Variants in COQ7 observed in about 807,000 individuals in gnomAD.
COQ7 encodes coenzyme Q7, hydroxylase.
COQ7 carries 21 observed loss-of-function variants against 25.0 expected under a neutral mutation model. That is an observed-to-expected ratio of 0.84 (90% CI 0.60 to 1.21). The LOEUF is 1.21. Ranked by LOEUF, COQ7 falls within the 50% of genes most tolerant of loss-of-function variation. The pLI, the probability that COQ7 is intolerant of heterozygous loss-of-function variation, is 0.00. For missense variants in COQ7, 311 were observed against 296.2 expected (o/e 1.05, Z -0.37); for synonymous variants, 125 against 112.4 (o/e 1.11, Z -0.71).
At position 19,079,753 on chromosome 16, in the gene COQ7, G is replaced by A. The variant is rs1217475649; in HGVS notation, c.*1595G>A. On this transcript the variant is annotated 3_prime_UTR_variant, in exon 6 of 6. Transcript: ENST00000321998. ...GCCCTGCATTTAATCAGCACCTGAT[G>A]ACTTGGCAGGACTTGCCCCACCAGG... is the stretch of plus-strand genomic sequence containing the variant. 1 of 152,222 alleles carries A rather than the reference G, an allele frequency of 6.6e-6. No individual in the cohort carries two copies. Among genetic ancestry groups the A allele is most frequent in the Non-Finnish European group, 1.5e-5 (1 of 68,050 alleles). The allele number at this position is 152,222 out of a possible 1,614,324, so 9.4% of individuals were successfully genotyped here. A position where few individuals can be genotyped will look rare whatever the true frequency, so the allele number is the denominator to read the frequency against.
intron 3 of COQ7, among the ~76,000 whole-genome samples, chr16:19,075,309 T>A (rs1245213766): frequency 6.6e-6 from 1 of 151,888 alleles, no homozygotes; most frequent in Non-Finnish European, 1.5e-5. Flanking sequence ...TTCAAGCGAT[T>A]TTCCTGCCTC....
At chr16:19,069,671 A>G (rs867700310) in intron 1 of COQ7, among the ~76,000 whole-genome samples, 6 of 152,120 alleles carry the variant, frequency 3.9e-5, no homozygotes, top group Non-Finnish European at 7.4e-5. Context: ...TTGGCTTCCC[A>G]AAGTGCTGGG....
chr16:19,073,316 C>CAAAAAAAAAACA (rs60264999), intron 2 of COQ7, among the ~76,000 whole-genome samples: 9 of 146,914 alleles, frequency 6.1e-5, no homozygotes, highest in African/African-American at 2.0e-4. Context: ...CTCAAAAAAA[C>CAAAAAAAAAACA]AAAAAAAACC....
chr16:19,077,293 T>G lies in COQ7; in HGVS notation c.508-13T>G. ...GAAGGCTAACTTGCTTTGGTGTCTTTTTATTTAACCAGCTGATAAAGAAAT... is the reference window on the plus strand; with the variant it reads ...GAAGGCTAACTTGCTTTGGTGTCTTGTTATTTAACCAGCTGATAAAGAAAT... On this transcript the variant is annotated splice_polypyrimidine_tract_variant and intron_variant, in intron 4 of 5. Coordinates refer to ENST00000321998, the MANE Select transcript of COQ7 (RefSeq NM_016138.5). 6.2e-7 allele frequency: 1 copy of G among 1,613,706 alleles called. No individual in the cohort carries two copies. Among genetic ancestry groups the G allele is most frequent in the Non-Finnish European group, 8.5e-7 (1 of 1,179,616 alleles).
rs555555412 is a variant in COQ7 at position 19,072,368 on chromosome 16, T to C, written c.252+262T>C. On this transcript the variant is annotated intron_variant, in intron 2 of 5. Coordinates refer to ENST00000321998, the MANE Select transcript of COQ7 (RefSeq NM_016138.5). ...ACTCCATGGCGGGGGCAGGCAGTAATGAAAAAAGGTTAAGAATCGCTCAGC... is the reference window on the plus strand; with the variant it reads ...ACTCCATGGCGGGGGCAGGCAGTAACGAAAAAAGGTTAAGAATCGCTCAGC... 6.3e-6 allele frequency: 3 copies of C among 473,622 alleles called. No individual in the cohort carries two copies. The East Asian group carries it at 1.1e-4, about 17-fold the overall frequency. 29.3% of individuals were successfully genotyped at this position (473,622 alleles called of 1,614,324 possible). A position where few individuals can be genotyped will look rare whatever the true frequency, so the allele number is the denominator to read the frequency against.
chr16:19,082,366 C>T (rs1432599870), downstream of COQ7, among the ~76,000 whole-genome samples: 1 of 152,116 alleles, frequency 6.6e-6, no homozygotes, highest in African/African-American at 2.4e-5. Context: ...CACAGTGGCT[C>T]ATGCCTGTCA....
intron 3 of COQ7, among the ~76,000 whole-genome samples, chr16:19,074,509 A>T (rs1962731647): frequency 6.6e-6 from 1 of 151,982 alleles, no homozygotes; most frequent in Admixed American, 6.6e-5. Flanking sequence ...TGGGTGACAG[A>T]GCGACACTCT....
At chr16:19,068,505 T>G in intron 1 of COQ7, 1 of 564,440 alleles carries the variant, frequency 1.8e-6, no homozygotes, top group Non-Finnish European at 2.3e-6. Context: ...TACAAAAATT[T>G]GCCAGGCGTG....
Position 19,075,864 on chromosome 16 carries a change from T to C in COQ7, c.507+4T>C. On this transcript the variant is annotated splice_donor_region_variant and intron_variant, in intron 4 of 5. Coordinates refer to ENST00000321998, the MANE Select transcript of COQ7 (RefSeq NM_016138.5). ...AAAATACGAGGAACTTCTTCAGGTA[T>C]TTATCCGTGCTCTAGAACGGGGCTG... 6.2e-7 allele frequency: 1 copy of C among 1,614,160 alleles called. No homozygotes were observed. The highest frequency in any genetic ancestry group is 8.5e-7 in the Non-Finnish European group (1 of 1,180,010).
At chr16:19,076,705 C>T (rs1395001581) in intron 4 of COQ7, among the ~76,000 whole-genome samples, 2 of 151,028 alleles carry the variant, frequency 1.3e-5, no homozygotes, top group South Asian at 2.1e-4. Flanking sequence ...GATTCTCCTG[C>T]CTCGGCGTCC....
intron 1 of COQ7, 65 bp downstream of exon 1, chr16:19,067,802 G>A (rs1962304735): frequency 1.3e-6 from 2 of 1,572,278 alleles, no homozygotes; most frequent in South Asian, 2.3e-5. Context: ...TTCGCTTGAG[G>A]TTTGGGTCGA....
intron 1 of COQ7, among the ~76,000 whole-genome samples, chr16:19,070,751 A>G (rs528795671): frequency 6.8e-6 from 1 of 147,602 alleles, no homozygotes; most frequent in Non-Finnish European, 1.5e-5. Context: ...GTCTGTCTCA[A>G]AAAAAAAAAA....
chr16:19,068,168 G>C, intron 1 of COQ7: 1 of 1,038,286 alleles, frequency 9.6e-7, no homozygotes, highest in Non-Finnish European at 1.2e-6. Flanking sequence ...TAGAAATACA[G>C]ATTCTCGGGC....
downstream of COQ7, among the ~76,000 whole-genome samples, chr16:19,082,775 A>AG (rs1963117793): frequency 6.6e-6 from 1 of 150,776 alleles, no homozygotes; most frequent in Non-Finnish European, 1.5e-5. Context: ...TAAAAAAAAA[A>AG]AAATAGTTAA....
At chr16:19,071,036 T>G (rs1421678644) in intron 1 of COQ7, among the ~76,000 whole-genome samples, 1 of 152,258 alleles carries the variant, frequency 6.6e-6, no homozygotes, top group Admixed American at 6.5e-5. Context: ...TTTGAATTGA[T>G]TTTGGAGCAT....
chr16:19,075,633 C>A, intron 3 of COQ7, 88 bp from the exon 4 acceptor site: 1 of 1,416,806 alleles, frequency 7.1e-7, no homozygotes, highest in Non-Finnish European at 9.5e-7. Context: ...ATGTCTGGTG[C>A]AGAGGTTAAG....
In COQ7 at chr16:19,075,740, C is replaced by T. The variant is rs201800620; in HGVS notation, c.387C>T (p.Leu129=). The change falls in exon 4 of 6, where the codon CTC becomes CTT. Residue 129 remains leucine (L), a synonymous_variant. Coordinates refer to ENST00000321998, the MANE Select transcript of COQ7 (RefSeq NM_016138.5). ...GFALGAGTAL[L]GKEGAMACTV... ...TCCCAGGGGCGGGGACCGCCTTGCTCGGGAAGGAAGGTGCCATGGCCTGCA... is the reference window on the plus strand; with the variant it reads ...TCCCAGGGGCGGGGACCGCCTTGCTTGGGAAGGAAGGTGCCATGGCCTGCA... The T allele has an allele frequency of 1.3e-4, 205 of 1,588,452 alleles. 1 individual carries two copies. The highest frequency in any genetic ancestry group is 9.7e-4 in the East Asian group (43 of 44,416).
At chr16:19,067,776 A>T in intron 1 of COQ7, 39 bp downstream of exon 1, 1 of 1,577,856 alleles carries the variant, frequency 6.3e-7, no homozygotes, top group Non-Finnish European at 8.5e-7. Context: ...GCGCCGGTCT[A>T]GCGAGCTAGG....
chr16:19,073,325 C>CAAAAAAAACCA (rs1555522096), intron 2 of COQ7, among the ~76,000 whole-genome samples: 1 of 123,418 alleles, frequency 8.1e-6, no homozygotes, highest in Non-Finnish European at 1.8e-5. Flanking sequence ...ACAAAAAAAA[C>CAAAAAAAACCA]CGCACACACA....
Sources: allele counts gnomAD v4.1 joint callset (sites outside exome capture counted in the v4.1 genomes callset), GRCh38; gene constraint gnomAD v4.1.1; transcripts MANE v1.5; gene names NCBI Gene and HGNC (gene_info 2026-07-23, HGNC 2026-07-21).